Variants in MACROD2 observed in about 807,000 individuals in gnomAD.
MACROD2 encodes mono-ADP ribosylhydrolase 2.
In MACROD2, 36 loss-of-function variants were observed where a neutral mutation model predicts 70.4. That is an observed-to-expected ratio of 0.51 (90% CI 0.39 to 0.68). The LOEUF (loss-of-function observed/expected upper bound fraction) is 0.68, where lower values mean the gene tolerates loss of function less well. Ranked by LOEUF, MACROD2 falls within the 30% of genes least tolerant of loss-of-function variation. MACROD2 has a pLI of 0.00. For missense variants in MACROD2, 496 were observed against 538.4 expected (o/e 0.92, Z 0.78); for synonymous variants, 172 against 178.8 (o/e 0.96, Z 0.30).
chr20:14,184,986 T>C (rs1441625902), intron 3 of MACROD2, among the ~76,000 whole-genome samples: 1 of 152,128 alleles, frequency 6.6e-6, no homozygotes, highest in Non-Finnish European at 1.5e-5. Context: ...TGACTATTCA[T>C]TGCATTTCAC....
chr20:15,115,411 A>T (rs2123232559), intron 5 of MACROD2, among the ~76,000 whole-genome samples: 1 of 152,006 alleles, frequency 6.6e-6, no homozygotes, highest in Non-Finnish European at 1.5e-5. Context: ...TTTTGTAGAG[A>T]TGGGGTCTTC....
chr20:15,662,446 G>T (rs561342671), intron 8 of MACROD2, among the ~76,000 whole-genome samples: 3 of 152,204 alleles, frequency 2.0e-5, no homozygotes, highest in African/African-American at 7.2e-5. Context: ...CACTTCATAA[G>T]TAATAGCACT....
At chr20:14,228,880 G>A (rs1361082047) in intron 3 of MACROD2, among the ~76,000 whole-genome samples, 1 of 150,724 alleles carries the variant, frequency 6.6e-6, no homozygotes, top group African/African-American at 2.4e-5. Context: ...GGTGGCACAC[G>A]CCCATAATCC....
chr20:14,629,685 G>T (rs1279884509), intron 4 of MACROD2, among the ~76,000 whole-genome samples: 1 of 152,124 alleles, frequency 6.6e-6, no homozygotes, highest in Admixed American at 6.5e-5. Context: ...GTCTTCTAAA[G>T]GTATAACATC....
chr20:15,853,419 G>A (rs1160806463), intron 8 of MACROD2, among the ~76,000 whole-genome samples: 5 of 152,136 alleles, frequency 3.3e-5, no homozygotes, highest in Non-Finnish European at 7.4e-5. Flanking sequence ...TTTTGAAGAC[G>A]TAATTAAGGT....
chr20:15,306,553 C>T (rs185164225), intron 6 of MACROD2, among the ~76,000 whole-genome samples: 16 of 152,256 alleles, frequency 1.1e-4, no homozygotes, highest in African/African-American at 3.9e-4. Context: ...AAGCTAGAAG[C>T]TATGCTCTTA....
In MACROD2 at chr20:14,345,050, G is replaced by C. The variant is rs1340211496; in HGVS notation, c.272-148429G>C. 1.8e-4 allele frequency among the ~76,000 whole-genome samples: 27 copies of C among 152,270 alleles called. No individual in the cohort carries two copies. The South Asian group carries it at 5.6e-3, about 32-fold the overall frequency. On this transcript the variant is annotated intron_variant, in intron 3 of 17. Coordinates refer to ENST00000684519, the MANE Select transcript of MACROD2 (RefSeq NM_001351661.2). ...AGGATTTTGACTGACCAAAGAGTAG[G>C]AAAGGACTAGCAAAATATAAATGTT...
chr20:14,475,774 C>T (rs958042700), intron 3 of MACROD2, among the ~76,000 whole-genome samples: 1 of 151,962 alleles, frequency 6.6e-6, no homozygotes, highest in South Asian at 2.1e-4. Flanking sequence ...TATTGGAATT[C>T]CCTTATATGT....
At chr20:15,627,885 G>A (rs762636019) in intron 8 of MACROD2, among the ~76,000 whole-genome samples, 1 of 152,160 alleles carries the variant, frequency 6.6e-6, no homozygotes, top group Non-Finnish European at 1.5e-5. Flanking sequence ...CTAAGACCAG[G>A]AATGATTAAG....
intron 5 of MACROD2, among the ~76,000 whole-genome samples, chr20:14,950,436 T>C (rs1044770952): frequency 3.9e-5 from 6 of 152,152 alleles, no homozygotes; most frequent in South Asian, 2.1e-4. Flanking sequence ...ATTAAATCTA[T>C]GGTGTCATGG....
intron 4 of MACROD2, 43 bp from the exon 5 acceptor site, chr20:14,684,800 T>C (rs768419471): frequency 1.3e-6 from 2 of 1,511,476 alleles, no homozygotes; most frequent in African/African-American, 2.8e-5. Context: ...TATATTTATT[T>C]CCAAATGCCA....
At chr20:15,909,769 C>T (rs566088736) in intron 10 of MACROD2, among the ~76,000 whole-genome samples, 14 of 151,950 alleles carry the variant, frequency 9.2e-5, no homozygotes, top group South Asian at 4.2e-4. Context: ...GTGATCCGCC[C>T]GCCTCAGCCT....
chr20:15,246,267 G>A (rs1481975726), intron 6 of MACROD2, among the ~76,000 whole-genome samples: 1 of 152,148 alleles, frequency 6.6e-6, no homozygotes, highest in Non-Finnish European at 1.5e-5. Context: ...AAATGTGAGT[G>A]TATGTGTATG....
rs41276358 is a variant in MACROD2 at position 16,049,958 on chromosome 20, G to A, written c.*82G>A. ...GCACACGCTGTGGAGGAGGGTGGGG[G>A]TGGGGGGAAGGCAAGTCCCATGGAA... On this transcript the variant is annotated 3_prime_UTR_variant, in exon 18 of 18. Transcript: ENST00000684519. 4 of 546,876 alleles carry A rather than the reference G, an allele frequency of 7.3e-6. 1 individual carries two copies. Among genetic ancestry groups the A allele is most frequent in the Non-Finnish European group, 1.3e-5 (4 of 318,418 alleles). The allele number at this position is 546,876 out of a possible 1,614,324, so 33.9% of individuals were successfully genotyped here.
chr20:15,077,773 C>T (rs891733679), intron 5 of MACROD2, among the ~76,000 whole-genome samples: 2 of 152,124 alleles, frequency 1.3e-5, no homozygotes, highest in Admixed American at 6.5e-5. Flanking sequence ...GTGCAGCTGA[C>T]TCGTCTGTCT....
chr20:15,714,988 C>T (rs2146924014), intron 8 of MACROD2, among the ~76,000 whole-genome samples: 1 of 152,194 alleles, frequency 6.6e-6, no homozygotes, highest in Admixed American at 6.5e-5. Flanking sequence ...TTGCATTCTA[C>T]TCAATGATAT....
chr20:14,493,788 A>G, intron 4 of MACROD2: 1 of 248,680 alleles, frequency 4.0e-6, no homozygotes, highest in Non-Finnish European at 7.9e-6. Flanking sequence ...ACACACATGT[A>G]ATACATGTGT....
intron 7 of MACROD2, among the ~76,000 whole-genome samples, chr20:15,490,204 C>A (rs1410802099): frequency 5.2e-5 from 7 of 135,430 alleles, no homozygotes; most frequent in African/African-American, 1.9e-4. Flanking sequence ...CCTCCCTCCC[C>A]CTTCCTTCCT....
At chr20:15,367,902 AT>A (rs1266569757) in intron 6 of MACROD2, among the ~76,000 whole-genome samples, 1 of 151,986 alleles carries the variant, frequency 6.6e-6, no homozygotes, top group Non-Finnish European at 1.5e-5. Flanking sequence ...TATTTTATAT[AT>A]TTTTTTCAAT....
Sources: allele counts gnomAD v4.1 joint callset (sites outside exome capture counted in the v4.1 genomes callset), GRCh38; gene constraint gnomAD v4.1.1; transcripts MANE v1.5; gene names NCBI Gene and HGNC (gene_info 2026-07-23, HGNC 2026-07-21).